The following XKR4 variants were observed in gnomAD, a reference collection of about 807,000 sequenced individuals.
XKR4 encodes the protein XK related 4.
In XKR4, 12 loss-of-function variants were observed where a neutral mutation model predicts 53.9. That is an observed-to-expected ratio of 0.22 (90% confidence interval 0.14 to 0.36). The LOEUF (loss-of-function observed/expected upper bound fraction) is 0.36. Ranked by LOEUF, XKR4 falls within the 10% of genes least tolerant of loss-of-function variation. XKR4 has a pLI of 1.00. For missense variants in XKR4, 799 were observed against 859.5 expected (o/e 0.93, Z 0.88); for synonymous variants, 354 against 362.4 (o/e 0.98, Z 0.26).
chr8:55,243,027 C>T (rs4737968), intron 1 of XKR4, among the ~76,000 whole-genome samples: 152,307 of 152,328 alleles, frequency 1, 76,143 homozygotes, highest in Middle Eastern at 1. Flanking sequence ...TTTTTCACTA[C>T]ATTTATTTTT....
chr8:55,176,141 T>C (rs73598831), intron 1 of XKR4, among the ~76,000 whole-genome samples: 2,726 of 152,362 alleles, frequency 0.018, 92 homozygotes, highest in African/African-American at 0.06. Context: ...CAGATCTATA[T>C]TGTCAGAATG....
intron 1 of XKR4, among the ~76,000 whole-genome samples, chr8:55,230,334 G>C (rs1258767951): frequency 6.6e-6 from 1 of 150,852 alleles, no homozygotes; most frequent in Non-Finnish European, 1.5e-5. Flanking sequence ...ACCATCTATG[G>C]TGGCAATGAT....
intron 2 of XKR4, among the ~76,000 whole-genome samples, chr8:55,512,797 G>A (rs183830056): frequency 1.1e-3 from 174 of 152,178 alleles, no homozygotes; most frequent in African/African-American, 3.9e-3. Context: ...GGATGGGCAC[G>A]CCAGTGTGTT....
At chr8:55,437,489 T>A (rs946345263) in intron 2 of XKR4, among the ~76,000 whole-genome samples, 1 of 152,216 alleles carries the variant, frequency 6.6e-6, no homozygotes, top group African/African-American at 2.4e-5. Context: ...CTTCCCTCAC[T>A]CTAATTACGT....
chr8:55,249,600 T>C (rs1818337707), intron 1 of XKR4, among the ~76,000 whole-genome samples: 1 of 152,222 alleles, frequency 6.6e-6, no homozygotes, highest in Admixed American at 6.5e-5. Context: ...GGAAACTTTC[T>C]AGTAATAGAT....
chr8:55,433,587 C>A (rs1805132139), intron 2 of XKR4, among the ~76,000 whole-genome samples: 2 of 152,304 alleles, frequency 1.3e-5, no homozygotes, highest in South Asian at 4.1e-4. Context: ...GCATTGTCAC[C>A]TCTTCAAAGG....
chr8:55,150,468 A>G (rs1255213322), intron 1 of XKR4, among the ~76,000 whole-genome samples: 1 of 152,238 alleles, frequency 6.6e-6, no homozygotes, highest in East Asian at 1.9e-4. Flanking sequence ...CAACGATTAT[A>G]GTATGGTTCT....
chr8:55,521,348 T>C (rs1381708480), intron 2 of XKR4, among the ~76,000 whole-genome samples: 5 of 152,242 alleles, frequency 3.3e-5, no homozygotes, highest in Non-Finnish European at 7.3e-5. Context: ...CATTACCTTT[T>C]ATTTCGCATT....
chr8:55,194,329 T>C (rs1321800789), intron 1 of XKR4, among the ~76,000 whole-genome samples: 1 of 152,194 alleles, frequency 6.6e-6, no homozygotes, highest in African/African-American at 2.4e-5. Flanking sequence ...CCTCCCTCTC[T>C]GGCTGCTTCA....
At chr8:55,208,256 T>C (rs999001597) in intron 1 of XKR4, among the ~76,000 whole-genome samples, 4 of 152,214 alleles carry the variant, frequency 2.6e-5, no homozygotes, top group Admixed American at 2.0e-4. Context: ...GTATTTTAGT[T>C]AAAGAAACTC....
At position 55,102,884 on chromosome 8, in the gene XKR4, C is replaced by T. The variant is rs1245064973; in HGVS notation, c.396C>T (p.Leu132=). The T allele has an allele frequency of 6.2e-7, 1 of 1,612,192 alleles. No individual in the cohort carries two copies. The highest frequency in any genetic ancestry group is 1.7e-5 in the Admixed American group (1 of 60,022). The change falls in exon 1 of 3, where the codon CTC becomes CTT. Residue 132 remains leucine, a synonymous_variant. Transcript: ENST00000327381. This position sits in a 1 kb window ranked among gnomAD's most constrained non-coding sequence, Gnocchi z 5.1. ...YFADVGTDVW[L]AVDYYLRGQR... ...CGGACGTGGGCACAGACGTCTGGCT[C>T]GCCGTGGACTACTACCTGCGCGGCC...
At chr8:55,331,278 A>G (rs957130694) in intron 1 of XKR4, among the ~76,000 whole-genome samples, 2 of 152,204 alleles carry the variant, frequency 1.3e-5, no homozygotes, top group East Asian at 1.9e-4. Flanking sequence ...TTCTACTGCC[A>G]TTGATTTCTA....
At chr8:55,395,650 G>T (rs1255721673) in intron 2 of XKR4, among the ~76,000 whole-genome samples, 3 of 152,172 alleles carry the variant, frequency 2.0e-5, no homozygotes, top group African/African-American at 7.2e-5. Flanking sequence ...GAATGTGTGG[G>T]ACAAGTGGGC....
At chr8:55,299,213 CTGCTAATTTTAATAAGTAGGTGA>C (rs1177293628) in intron 1 of XKR4, among the ~76,000 whole-genome samples, 3 of 152,158 alleles carry the variant, frequency 2.0e-5, no homozygotes, top group African/African-American at 7.2e-5. Flanking sequence ...TTGTCTGGCC[CTGCTAATTTTAATAAGTAGGTGA>C]TAATAAGCAC....
intron 1 of XKR4, among the ~76,000 whole-genome samples, chr8:55,110,668 G>T (rs1240397170): frequency 1.3e-5 from 2 of 152,190 alleles, no homozygotes; most frequent in Non-Finnish European, 2.9e-5. Context: ...GCAGCTGGAA[G>T]CCCAGCTTTG....
intron 1 of XKR4, chr8:55,273,022 T>A (rs1338826007): frequency 2.6e-6 from 1 of 383,194 alleles, no homozygotes; most frequent in Non-Finnish European, 5.1e-6. Context: ...AAGGGTGTGA[T>A]GTGGTGATGT....
At chr8:55,434,599 G>C (rs1337670087) in intron 2 of XKR4, among the ~76,000 whole-genome samples, 1 of 152,166 alleles carries the variant, frequency 6.6e-6, no homozygotes, top group Non-Finnish European at 1.5e-5. Context: ...AAACAGTCCT[G>C]AGATTTTAGT....
At chr8:55,232,953 T>G (rs1478687206) in intron 1 of XKR4, among the ~76,000 whole-genome samples, 1 of 152,212 alleles carries the variant, frequency 6.6e-6, no homozygotes, top group Admixed American at 6.5e-5. Flanking sequence ...TTGCCTCCTT[T>G]GCAAGCTATG....
intron 1 of XKR4, among the ~76,000 whole-genome samples, chr8:55,264,273 T>C (rs549991053): frequency 5.8e-4 from 89 of 152,214 alleles, no homozygotes; most frequent in Non-Finnish European, 1.2e-3. Context: ...CTATTTCTCC[T>C]TTGCCTTTAT....
Sources: gnomAD v4.1 joint callset for allele counts (sites outside exome capture counted in the v4.1 genomes callset) on GRCh38, gnomAD v4.1.1 for gene constraint, Gnocchi (gnomAD v3.1) non-coding constraint, MANE v1.5 for transcripts, NCBI Gene and HGNC (gene_info 2026-07-23, HGNC 2026-07-21) for gene names.